IFT46: variants seen among roughly 807,000 people sequenced by gnomAD.
IFT46 encodes intraflagellar transport 46.
IFT46 carries 19 observed loss-of-function variants against 39.6 expected under a neutral mutation model. That is an observed-to-expected ratio of 0.48 (90% CI 0.33 to 0.70). The LOEUF is 0.70. Ranked by LOEUF, IFT46 falls within the 30% of genes least tolerant of loss-of-function variation. IFT46 has a pLI of 0.01. For missense variants in IFT46, 334 were observed against 364.8 expected (o/e 0.92, Z 0.69); for synonymous variants, 117 against 134.8 (o/e 0.87, Z 0.91).
At chr11:118,575,913 G>A (rs1434109823), upstream of IFT46, among the ~76,000 whole-genome samples, 4 of 151,748 alleles carry the variant, frequency 2.6e-5, no homozygotes, top group Non-Finnish European at 4.4e-5. Context: ...GTTCCAAAGT[G>A]GTTAGAACTG....
intron 11 of IFT46, 70 bp from the exon 12 acceptor site, chr11:118,545,081 AT>A: frequency 1.7e-6 from 2 of 1,165,460 alleles, no homozygotes; most frequent in Non-Finnish European, 2.5e-6. Context: ...ACAAGAATTA[AT>A]TTCTTTAAAA....
intron 4 of IFT46, 45 bp from the exon 5 acceptor site, chr11:118,555,367 A>G: frequency 6.8e-7 from 1 of 1,466,300 alleles, no homozygotes; most frequent in Non-Finnish European, 9.6e-7. Context: ...AGAGAAGAGC[A>G]GAGGTGGCAG....
intron 2 of IFT46, chr11:118,560,956 T>C (rs1938036088): frequency 7.7e-7 from 1 of 1,302,708 alleles, no homozygotes; most frequent in African/African-American, 1.4e-5. Flanking sequence ...GTGTGAAGGT[T>C]GGCCTGACAA....
chr11:118,574,546 A>G (rs1207000914), upstream of IFT46, among the ~76,000 whole-genome samples: 1 of 152,030 alleles, frequency 6.6e-6, no homozygotes, highest in African/African-American at 2.4e-5. Flanking sequence ...CCCTCTCTCC[A>G]TTAAAAAAAA....
At chr11:118,550,514 T>C (rs1951784682) in intron 9 of IFT46, among the ~76,000 whole-genome samples, 1 of 152,006 alleles carries the variant, frequency 6.6e-6, no homozygotes, top group African/African-American at 2.4e-5. Flanking sequence ...GGAAACAGAG[T>C]TTCCTTATGC....
upstream of IFT46, among the ~76,000 whole-genome samples, chr11:118,567,571 G>A (rs782441082): frequency 2.2e-4 from 33 of 152,128 alleles, no homozygotes; most frequent in African/African-American, 4.3e-4. Context: ...GCGAGACTCC[G>A]TCTCAAAATA....
Position 118,555,096 on chromosome 11 carries a change from G to T in IFT46, c.261-13C>A. 3.1e-6 allele frequency: 5 copies of T among 1,598,574 alleles called. No homozygotes were observed. Among genetic ancestry groups the T allele is most frequent in the Non-Finnish European group, 4.3e-6 (5 of 1,165,834 alleles). ...CTGAGGTGTGTACCTAGGAGATATT[G>T]CCAAGGGAAGGTGGAGACAGTCAGA... is the stretch of plus-strand genomic sequence containing the variant. On this transcript the variant is annotated splice_polypyrimidine_tract_variant and intron_variant, in intron 5 of 11. Transcript: ENST00000264021.
At chr11:118,565,315 G>C (rs575866633) in intron 1 of IFT46, among the ~76,000 whole-genome samples, 2 of 152,130 alleles carry the variant, frequency 1.3e-5, no homozygotes, top group Admixed American at 6.6e-5. Flanking sequence ...GAGGGAAAGA[G>C]AGCCAACTTC....
intron 3 of IFT46, chr11:118,557,345 G>A: frequency 2.5e-6 from 1 of 403,442 alleles, no homozygotes; most frequent in South Asian, 4.3e-5. Flanking sequence ...ACTTTAGACA[G>A]CTTCGGCCCG....
chr11:118,567,659 A>C (rs1374994326), upstream of IFT46, among the ~76,000 whole-genome samples: 1 of 152,242 alleles, frequency 6.6e-6, no homozygotes, highest in Non-Finnish European at 1.5e-5. Flanking sequence ...GTAAACAAGG[A>C]AAGTGCCTTT....
chr11:118,572,570 C>G, intron 1 of IFT46: 1 of 1,606,160 alleles, frequency 6.2e-7, no homozygotes, highest in South Asian at 1.1e-5. Flanking sequence ...GAGCCAGGAC[C>G]CGAACTCCTG....
At chr11:118,563,320 T>A (rs1399890741) in intron 2 of IFT46, among the ~76,000 whole-genome samples, 2 of 152,158 alleles carry the variant, frequency 1.3e-5, no homozygotes, top group African/African-American at 2.4e-5. Flanking sequence ...GGGTATGGAT[T>A]TTCTGTTCAG....
At chr11:118,561,406 TAAGA>T in intron 2 of IFT46, 3 of 828,174 alleles carry the variant, frequency 3.6e-6, no homozygotes, top group Non-Finnish European at 6.3e-6. Flanking sequence ...AAGAGATGTA[TAAGA>T]AAGCTCATGC....
intron 4 of IFT46, among the ~76,000 whole-genome samples, chr11:118,556,555 G>A (rs1170771679): frequency 2.6e-5 from 4 of 151,934 alleles, no homozygotes; most frequent in Admixed American, 2.0e-4. Flanking sequence ...GGTCTTGAAC[G>A]CCCAGCCTTA....
At chr11:118,556,058 T>C (rs1351174793) in intron 4 of IFT46, among the ~76,000 whole-genome samples, 1 of 152,236 alleles carries the variant, frequency 6.6e-6, no homozygotes, top group African/African-American at 2.4e-5. Context: ...GGTCTCACTC[T>C]GTTGACCAGG....
At position 118,544,588 on chromosome 11, in the gene IFT46, AACAATTCCATCCCTCTC is replaced by A. The variant is rs1321622813; in HGVS notation, c.*311_*327del. 1.5e-5 allele frequency: 4 copies of A among 270,010 alleles called. No individual in the cohort carries two copies. Among genetic ancestry groups the A allele is most frequent in the Non-Finnish European group, 2.8e-5 (4 of 142,682 alleles). 16.7% of individuals were successfully genotyped at this position (270,010 alleles called of 1,614,324 possible). A position where few individuals can be genotyped will look rare whatever the true frequency, so the allele number is the denominator to read the frequency against. On this transcript the variant is annotated 3_prime_UTR_variant, in exon 12 of 12. Transcript: ENST00000264021. ...CTCACTAACTTTACGAATGAAAGAAAACAATTCCATCCCTCTCACAAAAAGGACATCTTTTAAGCTTT... is the reference window on the plus strand; with the variant it reads ...CTCACTAACTTTACGAATGAAAGAAAACAAAAAGGACATCTTTTAAGCTTT...
chr11:118,559,064 C>T (rs1272202334), intron 3 of IFT46, among the ~76,000 whole-genome samples: 6 of 151,520 alleles, frequency 4.0e-5, no homozygotes, highest in African/African-American at 9.7e-5. Context: ...GATGGGGTTT[C>T]GCCATGTTGG....
At chr11:118,548,227 G>T (rs541281970) in intron 9 of IFT46, among the ~76,000 whole-genome samples, 1 of 150,380 alleles carries the variant, frequency 6.6e-6, no homozygotes, top group African/African-American at 2.5e-5. Flanking sequence ...TTGCTTGGAC[G>T]GTAATTTTTT....
Position 118,554,467 on chromosome 11 carries a change from T to C in IFT46, c.475A>G (p.Asn159Asp). The change falls in exon 7 of 12, where the codon AAC becomes GAC. Residue 159 changes from asparagine to aspartate, a missense_variant. Asn to Asp is a conservative substitution (Grantham distance 23). Transcript: ENST00000264021. ...CTAAGCTAGTATCTTACTGTGATGTTGTGCTGCTTAGAATTCTCTGTTAAC... is the reference window on the plus strand; with the variant it reads ...CTAAGCTAGTATCTTACTGTGATGTCGTGCTGCTTAGAATTCTCTGTTAAC... Reference protein sequence around the residue: ...LWLTENSKQHNITQHMKVKSL... With the variant: ...LWLTENSKQHDITQHMKVKSL... 1 of 1,609,018 alleles carries C rather than the reference T, an allele frequency of 6.2e-7. No individual in the cohort carries two copies. The highest frequency in any genetic ancestry group is 8.5e-7 in the Non-Finnish European group (1 of 1,178,332).
Sources: allele counts gnomAD v4.1 joint callset (sites outside exome capture counted in the v4.1 genomes callset), GRCh38; gene constraint gnomAD v4.1.1; transcripts MANE v1.5; gene names NCBI Gene and HGNC (gene_info 2026-07-23, HGNC 2026-07-21).